Variants in TRAK1 observed in about 807,000 individuals in gnomAD.
TRAK1 encodes the protein trafficking kinesin-binding protein 1.
TRAK1 carries 33 observed loss-of-function variants against 92.1 expected under a neutral mutation model. The observed-to-expected ratio is 0.36, with a 90% CI of 0.27 to 0.48. The LOEUF (loss-of-function observed/expected upper bound fraction) is 0.48, where lower values mean the gene tolerates loss of function less well. Ranked by LOEUF, TRAK1 falls within the 20% of genes least tolerant of loss-of-function variation. TRAK1 has a pLI of 0.99. For synonymous variants in TRAK1, 521 were observed against 517.3 expected (o/e 1.01, Z -0.10); for missense variants, 1,123 against 1,257.9 (o/e 0.89, Z 1.62).
intron 1 of TRAK1, among the ~76,000 whole-genome samples, chr3:42,114,774 G>A (rs1708951619): frequency 6.6e-6 from 1 of 151,648 alleles, no homozygotes; most frequent in Admixed American, 6.6e-5. Flanking sequence ...GTGCAATCGT[G>A]CGATCTCAGC....
intron 7 of TRAK1, among the ~76,000 whole-genome samples, chr3:42,191,895 A>ATTTTTTTTTTTTTTTTTTTTTT (rs68023368): frequency 1.4e-5 from 1 of 72,764 alleles, no homozygotes; most frequent in African/African-American, 5.8e-5. Context: ...GAATATTGGA[A>ATTTTTTTTTTTTTTTTTTTTTT]TTTTTTTTTT....
intron 1 of TRAK1, among the ~76,000 whole-genome samples, chr3:42,103,602 A>C (rs1232502040): frequency 1.3e-5 from 2 of 152,134 alleles, no homozygotes; most frequent in Non-Finnish European, 2.9e-5. Context: ...ATTCGAGGGT[A>C]CACTTAACAG....
intron 2 of TRAK1, among the ~76,000 whole-genome samples, chr3:42,138,523 A>G (rs1247341157): frequency 6.6e-6 from 1 of 152,194 alleles, no homozygotes; most frequent in Non-Finnish European, 1.5e-5. Flanking sequence ...ATAGAATAAC[A>G]AGATCGTTTT....
chr3:42,079,474 C>CTTTTTTTTTT (rs374173062), intron 1 of TRAK1, among the ~76,000 whole-genome samples: 55 of 133,976 alleles, frequency 4.1e-4, no homozygotes, highest in South Asian at 7.4e-4. Flanking sequence ...GAAGCTCCTT[C>CTTTTTTTTTT]TTCTTTTTTT....
intron 1 of TRAK1, among the ~76,000 whole-genome samples, chr3:42,045,560 A>G (rs1702720924): frequency 6.6e-6 from 1 of 152,014 alleles, no homozygotes; most frequent in Non-Finnish European, 1.5e-5. Flanking sequence ...ACATAAACCC[A>G]TTGTTCTCTG....
At chr3:42,045,304 G>A (rs1228602085) in intron 1 of TRAK1, among the ~76,000 whole-genome samples, 1 of 152,184 alleles carries the variant, frequency 6.6e-6, no homozygotes, top group Non-Finnish European at 1.5e-5. Flanking sequence ...GGAGGCTGAG[G>A]TGGGCAGATC....
At chr3:42,149,341 C>G in intron 2 of TRAK1, 1 of 1,435,068 alleles carries the variant, frequency 7.0e-7, no homozygotes, top group Non-Finnish European at 9.1e-7. Context: ...CTCCTTCCCC[C>G]ATAGAATTTT....
chr3:42,137,433 TC>T (rs2149201149), intron 2 of TRAK1, among the ~76,000 whole-genome samples: 1 of 152,358 alleles, frequency 6.6e-6, no homozygotes, highest in Non-Finnish European at 1.5e-5. Flanking sequence ...ATGTCTTACC[TC>T]TTTCTTAGTT....
rs547455969 is a variant in TRAK1 at position 42,134,578 on chromosome 3, C to CTTTT, written c.286+8987_286+8990dup. Among the ~76,000 whole-genome samples the CTTTT allele has an allele frequency of 1.6e-4, 12 of 76,434 alleles. No homozygotes were observed. The East Asian group carries it at 2.3e-3, about 15-fold the overall frequency. The allele number at this position is 76,434 out of a possible 152,430, so 50.1% of individuals were successfully genotyped here. A position where few individuals can be genotyped will look rare whatever the true frequency, so the allele number is the denominator to read the frequency against. ...AGGTGTTAGCCACCATGCCTGGTCT[C>CTTTT]TTTTTTTTTTTTTTTTTTTTTTTTT... On this transcript the variant is annotated intron_variant, in intron 2 of 15. Coordinates refer to ENST00000327628, the MANE Select transcript of TRAK1 (RefSeq NM_001042646.3).
intron 13 of TRAK1, chr3:42,204,326 C>G (rs1053031913): frequency 1.1e-6 from 1 of 921,258 alleles, no homozygotes; most frequent in African/African-American, 1.8e-5. Flanking sequence ...AATTTATTTT[C>G]AAAGCACATG....
At chr3:42,210,380 A>G in intron 14 of TRAK1, 1 of 1,304,586 alleles carries the variant, frequency 7.7e-7, no homozygotes, top group Non-Finnish European at 9.7e-7. Context: ...AGGGATCTTT[A>G]AAGTGGGAGC....
At chr3:42,152,032 G>T (rs535927794) in intron 2 of TRAK1, among the ~76,000 whole-genome samples, 59 of 152,334 alleles carry the variant, frequency 3.9e-4, no homozygotes, top group African/African-American at 1.4e-3. Flanking sequence ...AATATAGATT[G>T]CAGGCCAATT....
chr3:42,123,953 G>T (rs1001091855), intron 1 of TRAK1, among the ~76,000 whole-genome samples: 1 of 152,016 alleles, frequency 6.6e-6, no homozygotes, highest in South Asian at 2.1e-4. Context: ...GACCCACCTG[G>T]GCAACATAGG....
At chr3:42,050,187 G>T (rs1026777323) in intron 1 of TRAK1, among the ~76,000 whole-genome samples, 1 of 145,036 alleles carries the variant, frequency 6.9e-6, no homozygotes, top group Non-Finnish European at 1.5e-5. Context: ...CTGAGGGTGG[G>T]GGGGTGTGAG....
At position 42,187,107 on chromosome 3, in the gene TRAK1, C is replaced by T. The variant is rs181688026; in HGVS notation, c.481-938C>T. On this transcript the variant is annotated intron_variant, in intron 4 of 15. Transcript: ENST00000327628. ...TTTGCAAAGCCATCTCAGCAGAAGTCAATGTAGCCATTCCCTGATGGTTGG... is the reference window on the plus strand; with the variant it reads ...TTTGCAAAGCCATCTCAGCAGAAGTTAATGTAGCCATTCCCTGATGGTTGG... Among the ~76,000 whole-genome samples the T allele has an allele frequency of 3.9e-5, 6 of 152,256 alleles. No individual in the cohort carries two copies. The East Asian group carries it at 1.2e-3, about 29-fold the overall frequency.
chr3:42,114,711 AT>A (rs1015032029), intron 1 of TRAK1, among the ~76,000 whole-genome samples: 1 of 151,208 alleles, frequency 6.6e-6, no homozygotes, highest in African/African-American at 2.4e-5. Flanking sequence ...AACATACTTA[AT>A]TTTTTTTTCT....
chr3:42,126,145 CTTTTTT>C (rs777698681), intron 2 of TRAK1, among the ~76,000 whole-genome samples: 1 of 144,868 alleles, frequency 6.9e-6, no homozygotes, highest in South Asian at 2.2e-4. Context: ...TGGGAGCCAA[CTTTTTT>C]TTTTTTTTGA....
rs1707800143 is a variant in TRAK1, at chr3:42,202,697, C to T, written c.1689C>T (p.Ser563=). The T allele has an allele frequency of 6.2e-7, 1 of 1,613,602 alleles. No homozygotes were observed. Among genetic ancestry groups the T allele is most frequent in the Admixed American group, 1.7e-5 (1 of 60,014 alleles). ...FSEFTGFSGM[S]FSSRSYLPEK... ...AGTTCACCGGCTTCTCTGGCATGTC[C>T]TTCAGCAGCCGCTCCTACCTGCCTG... The change falls in exon 13 of 16, where the codon TCC becomes TCT. Residue 563 remains serine (S), a synonymous_variant. Coordinates refer to ENST00000327628, the MANE Select transcript of TRAK1 (RefSeq NM_001042646.3). This position sits in a 1 kb window ranked among gnomAD's most constrained non-coding sequence, Gnocchi z 6.1.
intron 15 of TRAK1, 25 bp downstream of exon 15, chr3:42,219,621 G>T (rs1710114108): frequency 1.3e-6 from 2 of 1,599,214 alleles, no homozygotes; most frequent in African/African-American, 1.3e-5. Flanking sequence ...CTTTGGGGTG[G>T]GCAGGGGTGG....
Sources: gnomAD v4.1 joint callset for allele counts (sites outside exome capture counted in the v4.1 genomes callset) on GRCh38, gnomAD v4.1.1 for gene constraint, Gnocchi (gnomAD v3.1) non-coding constraint, MANE v1.5 for transcripts, NCBI Gene and HGNC (gene_info 2026-07-23, HGNC 2026-07-21) for gene names.